Variants in TBCA observed in about 807,000 individuals in gnomAD.
The protein encoded by TBCA is tubulin-specific chaperone A.
TBCA carries 6 observed loss-of-function variants against 15.8 expected under a neutral mutation model. The ratio of observed to expected loss-of-function variants is 0.38; its 90% CI spans 0.21 to 0.75. The LOEUF (loss-of-function observed/expected upper bound fraction) is 0.75. Ranked by LOEUF, TBCA falls within the 30% of genes least tolerant of loss-of-function variation. TBCA has a pLI of 0.46. For synonymous variants in TBCA, 32 were observed against 42.3 expected, an observed-to-expected ratio of 0.76 and a Z score of 0.94; for missense variants, 90 against 131.2, an observed-to-expected ratio of 0.69 and a Z score of 1.53.
chr5:77,693,338 T>A lies in TBCA; in HGVS notation c.174A>T (p.Gln58His), dbSNP rs202170268. 3 of 1,611,664 alleles carry A rather than the reference T, an allele frequency of 1.9e-6. No homozygotes were observed. The highest frequency in any genetic ancestry group is 2.5e-6 in the Non-Finnish European group (3 of 1,179,334). Residue 58 changes from glutamine (Q) to histidine (H), a missense_variant, in exon 3 of 4, where the codon CAA becomes CAT. By Grantham distance (24) the Gln-to-His change is conservative. Transcript: ENST00000380377. The stretch of plus-strand genomic sequence containing the variant: ...AATCTGGGATCATCATCCTGGATTC[T>A]TGTAGGATCTCTGCCTAGAATGAGA... ...YDIKKQAEIL[Q>H]ESRMMIPDCQ...
At chr5:77,711,743 C>A (rs1313295864) in intron 1 of TBCA, among the ~76,000 whole-genome samples, 1 of 152,020 alleles carries the variant, frequency 6.6e-6, no homozygotes, top group Non-Finnish European at 1.5e-5. Context: ...ACTGGTAATC[C>A]AAGTCATCCT....
At chr5:77,759,405 C>T (rs1410457288) in intron 1 of TBCA, among the ~76,000 whole-genome samples, 5 of 152,064 alleles carry the variant, frequency 3.3e-5, no homozygotes, top group African/African-American at 1.2e-4. Flanking sequence ...GATGTTAATG[C>T]TGGAGGGGTA....
intron 1 of TBCA, among the ~76,000 whole-genome samples, chr5:77,769,686 A>G (rs1747863296): frequency 6.6e-6 from 1 of 152,096 alleles, no homozygotes; most frequent in Admixed American, 6.5e-5. Flanking sequence ...AAAAAAATCA[A>G]TACAATTTCC....
intron 2 of TBCA, among the ~76,000 whole-genome samples, chr5:77,707,768 A>C (rs1433686947): frequency 3.3e-5 from 5 of 151,998 alleles, no homozygotes; most frequent in Non-Finnish European, 7.3e-5. Context: ...ATATAAGATT[A>C]GTCCATTTTT....
At chr5:77,700,687 A>G (rs1210703981) in intron 2 of TBCA, among the ~76,000 whole-genome samples, 1 of 152,210 alleles carries the variant, frequency 6.6e-6, no homozygotes, top group Non-Finnish European at 1.5e-5. Flanking sequence ...CACGAATACA[A>G]CCTAGTAATT....
chr5:77,752,774 G>A (rs1446474345), intron 1 of TBCA, among the ~76,000 whole-genome samples: 1 of 50,624 alleles, frequency 2.0e-5, no homozygotes, highest in African/African-American at 6.3e-5. Context: ...TAGCCAGGAT[G>A]GTCTCGATCT....
chr5:77,746,257 C>T (rs550659754), intron 1 of TBCA, among the ~76,000 whole-genome samples: 6 of 151,332 alleles, frequency 4.0e-5, no homozygotes, highest in Admixed American at 6.6e-5. Flanking sequence ...ATTGAGGCCC[C>T]GTCTCTATGA....
At chr5:77,731,578 A>T (rs1746770340) in intron 1 of TBCA, among the ~76,000 whole-genome samples, 1 of 152,166 alleles carries the variant, frequency 6.6e-6, no homozygotes, top group Non-Finnish European at 1.5e-5. Context: ...TGCAGTGTTC[A>T]TCTCTTTCTT....
chr5:77,702,537 G>A (rs560017143), intron 2 of TBCA, among the ~76,000 whole-genome samples: 108 of 152,184 alleles, frequency 7.1e-4, no homozygotes, highest in Non-Finnish European at 1.4e-3. Flanking sequence ...AGTGGCAAGA[G>A]GGAGCTTTGC....
chr5:77,741,226 A>G (rs1405464669), intron 1 of TBCA, among the ~76,000 whole-genome samples: 1 of 152,188 alleles, frequency 6.6e-6, no homozygotes, highest in Non-Finnish European at 1.5e-5. Flanking sequence ...TGGTTCCGAG[A>G]GAGAGAAATA....
intron 2 of TBCA, among the ~76,000 whole-genome samples, chr5:77,694,000 C>T (rs1745817897): frequency 6.6e-6 from 1 of 152,066 alleles, no homozygotes; most frequent in Non-Finnish European, 1.5e-5. Flanking sequence ...TGCAAAGCAC[C>T]TTTATCTAAA....
chr5:77,747,002 A>G (rs353905), intron 1 of TBCA, among the ~76,000 whole-genome samples: 66,865 of 151,830 alleles, frequency 0.44, 14,896 homozygotes, highest in East Asian at 0.53. Context: ...GCACTTCTCT[A>G]AAGTGCTATA....
chr5:77,717,902 G>A (rs993977435), intron 1 of TBCA, among the ~76,000 whole-genome samples: 4 of 151,972 alleles, frequency 2.6e-5, no homozygotes, highest in African/African-American at 7.3e-5. Context: ...GGCTGAGGCC[G>A]GCAGATCACC....
chr5:77,769,588 C>T (rs1175101039), intron 1 of TBCA, among the ~76,000 whole-genome samples: 1 of 151,802 alleles, frequency 6.6e-6, no homozygotes, highest in African/African-American at 2.4e-5. Context: ...ATAGCATATA[C>T]ACCATACACA....
At chr5:77,765,714 T>C (rs1580138442) in intron 1 of TBCA, among the ~76,000 whole-genome samples, 1 of 152,182 alleles carries the variant, frequency 6.6e-6, no homozygotes, top group Non-Finnish European at 1.5e-5. Flanking sequence ...TGGCCACACC[T>C]GGCCATCCTT....
At chr5:77,749,844 T>C (rs1747275939) in intron 1 of TBCA, among the ~76,000 whole-genome samples, 1 of 152,188 alleles carries the variant, frequency 6.6e-6, no homozygotes, top group Non-Finnish European at 1.5e-5. Flanking sequence ...TTTTTTTAAA[T>C]GTGGTATGTC....
chr5:77,766,570 C>T (rs1210103268), intron 1 of TBCA, among the ~76,000 whole-genome samples: 3 of 22,800 alleles, frequency 1.3e-4, no homozygotes. Context: ...AGTGCTGTGG[C>T]GCGATCTCCG....
chr5:77,732,560 A>C (rs371979644), intron 1 of TBCA, among the ~76,000 whole-genome samples: 28,131 of 142,768 alleles, frequency 0.2, 2,581 homozygotes, highest in Non-Finnish European at 0.27. Context: ...CAAAAAAAAA[A>C]AAAAAAAAAA....
Position 77,776,321 on chromosome 5 carries a change from A to C in TBCA, c.-64T>G. On this transcript the variant is annotated 5_prime_UTR_variant, in exon 1 of 4. Transcript: ENST00000380377. ...GGGGTAACCGTGGAGGGCGACGCGC[A>C]GAGGCTGCGGCTATTTAGGCGTGGT... The C allele has an allele frequency of 6.5e-7, 1 of 1,542,336 alleles. No homozygotes were observed. Among genetic ancestry groups the C allele is most frequent in the Non-Finnish European group, 8.8e-7 (1 of 1,140,758 alleles).
Sources: gnomAD v4.1 joint callset for allele counts (sites outside exome capture counted in the v4.1 genomes callset) on GRCh38, gnomAD v4.1.1 for gene constraint, MANE v1.5 for transcripts, NCBI Gene and HGNC (gene_info 2026-07-23, HGNC 2026-07-21) for gene names.